The following UBTD1 variants were observed in gnomAD, a reference collection of about 807,000 sequenced individuals.
UBTD1 encodes ubiquitin domain containing 1.
A neutral mutation model predicts 21.7 loss-of-function variants in UBTD1; 19 were observed. That is an observed-to-expected ratio of 0.87 (90% CI 0.61 to 1.28). UBTD1 has a LOEUF of 1.28. UBTD1 is among the 50% of genes most tolerant of loss of function. The pLI is 0.00. For synonymous variants in UBTD1, 116 were observed against 135.1 expected (o/e 0.86, Z 0.98); for missense variants, 282 against 315.1 (o/e 0.89, Z 0.80).
At chr10:97,502,374 A>G (rs547414789) in intron 1 of UBTD1, among the ~76,000 whole-genome samples, 1 of 152,278 alleles carries the variant, frequency 6.6e-6, no homozygotes, top group African/African-American at 2.4e-5. Flanking sequence ...TTTTCCTTTG[A>G]CAAGGACATA....
At chr10:97,538,676 A>G (rs2040574181) in intron 1 of UBTD1, among the ~76,000 whole-genome samples, 1 of 152,048 alleles carries the variant, frequency 6.6e-6, no homozygotes, top group Non-Finnish European at 1.5e-5. Context: ...AGCAGTTTCT[A>G]CTTTAACAGA....
At chr10:97,557,544 A>T (rs563645384) in intron 1 of UBTD1, among the ~76,000 whole-genome samples, 1 of 152,114 alleles carries the variant, frequency 6.6e-6, no homozygotes, top group African/African-American at 2.4e-5. Flanking sequence ...TTCTTGACAG[A>T]TATACTTATT....
chr10:97,547,902 A>G (rs76418825), intron 1 of UBTD1, among the ~76,000 whole-genome samples: 2,149 of 74,464 alleles, frequency 0.029, 23 homozygotes, highest in Non-Finnish European at 0.044. Context: ...CAACTTTATG[A>G]AAAAAAAAAA....
At chr10:97,505,523 A>T (rs765005704) in intron 1 of UBTD1, among the ~76,000 whole-genome samples, 6 of 152,270 alleles carry the variant, frequency 3.9e-5, no homozygotes, top group Admixed American at 2.6e-4. Flanking sequence ...CAGAGATGTT[A>T]TGGAGATAAA....
In UBTD1 at chr10:97,570,440, C is replaced by A; in HGVS notation, c.601C>A (p.Arg201Ser). The A allele has an allele frequency of 6.2e-7, 1 of 1,613,240 alleles. No individual in the cohort carries two copies. Among genetic ancestry groups the A allele is most frequent in the Non-Finnish European group, 8.5e-7 (1 of 1,179,954 alleles). The stretch of plus-strand genomic sequence containing the variant: ...CTTCTCCGGGAAGCTGCTCACAGAC[C>A]GCACACGGCTCCAGGAGACCAAGAT... The part of the protein sequence containing the change: ...WFFSGKLLTD[R>S]TRLQETKIQK... Residue 201 changes from arginine to serine, a missense_variant, in exon 3 of 3, where the codon CGC becomes AGC. By Grantham distance (110) the Arg-to-Ser change is moderately radical. Coordinates refer to ENST00000370664, the MANE Select transcript of UBTD1 (RefSeq NM_024954.5). The surrounding 1 kb of genome is among the most constrained non-coding windows in gnomAD (Gnocchi z 6.6).
chr10:97,506,251 A>G (rs923766119), intron 1 of UBTD1, among the ~76,000 whole-genome samples: 17 of 152,168 alleles, frequency 1.1e-4, no homozygotes, highest in Admixed American at 6.5e-5. Context: ...AAGGCTCTTA[A>G]ATCCTGTTCA....
chr10:97,556,616 C>G (rs1296716457), intron 1 of UBTD1, among the ~76,000 whole-genome samples: 1 of 152,192 alleles, frequency 6.6e-6, no homozygotes, highest in African/African-American at 2.4e-5. Context: ...TTCCAATCAC[C>G]TATGGCTATG....
rs58274033 is a variant in UBTD1 at position 97,538,331 on chromosome 10, T to C, written c.71-29583T>C. Among the ~76,000 whole-genome samples the C allele has an allele frequency of 3.8e-3, 574 of 152,248 alleles. 7 individuals carry two copies. Among genetic ancestry groups the C allele is most frequent in the African/African-American group, 0.013 (541 of 41,558 alleles). On this transcript the variant is annotated intron_variant, in intron 1 of 2. Coordinates refer to ENST00000370664, the MANE Select transcript of UBTD1 (RefSeq NM_024954.5). ...ACACAGTGAGACCTCATCCCTATTT[T>C]ATTTTTAAAAAAGTAAAAATAGAAA...
rs1025877609 is a variant in UBTD1 at position 97,527,751 on chromosome 10, A to C, written c.70+28478A>C. On this transcript the variant is annotated intron_variant, in intron 1 of 2. Coordinates refer to ENST00000370664, the MANE Select transcript of UBTD1 (RefSeq NM_024954.5). ...TGAGTGGACACAGCACATGTTTCAGAGAGCACAGGGTTGGGGGTAAGGTCA... is the reference window on the plus strand; with the variant it reads ...TGAGTGGACACAGCACATGTTTCAGCGAGCACAGGGTTGGGGGTAAGGTCA... Among the ~76,000 whole-genome samples, 573 of 152,174 alleles carry C rather than the reference A, an allele frequency of 3.8e-3. 2 individuals carry two copies. The highest frequency in any genetic ancestry group is 0.013 in the African/African-American group (535 of 41,496).
chr10:97,524,603 A>G (rs1414021795), intron 1 of UBTD1, among the ~76,000 whole-genome samples: 3 of 152,184 alleles, frequency 2.0e-5, no homozygotes, highest in Non-Finnish European at 4.4e-5. Flanking sequence ...CTTTGTGGAA[A>G]GCTGCCCTGC....
chr10:97,555,702 A>C (rs1253148027), intron 1 of UBTD1, among the ~76,000 whole-genome samples: 3 of 152,186 alleles, frequency 2.0e-5, no homozygotes, highest in Admixed American at 2.0e-4. Flanking sequence ...AGAGAAACAG[A>C]ACAGGGCAGG....
At chr10:97,509,425 C>CAA (rs2040412558) in intron 1 of UBTD1, among the ~76,000 whole-genome samples, 1 of 152,210 alleles carries the variant, frequency 6.6e-6, no homozygotes, top group Non-Finnish European at 1.5e-5. Context: ...TGCCCACACA[C>CAA]AGCACGGCGC....
intron 1 of UBTD1, among the ~76,000 whole-genome samples, chr10:97,504,217 C>T (rs1477972248): frequency 2.6e-5 from 4 of 152,322 alleles, no homozygotes; most frequent in Non-Finnish European, 5.9e-5. Context: ...CCTGTGAACT[C>T]ACCTTCCTGC....
intron 2 of UBTD1, among the ~76,000 whole-genome samples, chr10:97,569,024 T>C (rs1316284596): frequency 6.6e-6 from 1 of 152,224 alleles, no homozygotes; most frequent in East Asian, 1.9e-4. Context: ...GGTTTCTCCA[T>C]GTTGGTCAGG....
At position 97,540,974 on chromosome 10, in the gene UBTD1, C is replaced by T. The variant is rs566092137; in HGVS notation, c.71-26940C>T. Among the ~76,000 whole-genome samples, 3 of 152,298 alleles carry T rather than the reference C, an allele frequency of 2.0e-5. No homozygotes were observed. The East Asian group carries it at 5.8e-4, about 29-fold the overall frequency. ...GCAGCGCTGCTTCTCTGCTTGTCAGCTGCGTGTGTGTCCACTAGGGGTTGG... is the reference window on the plus strand; with the variant it reads ...GCAGCGCTGCTTCTCTGCTTGTCAGTTGCGTGTGTGTCCACTAGGGGTTGG... On this transcript the variant is annotated intron_variant, in intron 1 of 2. Coordinates refer to ENST00000370664, the MANE Select transcript of UBTD1 (RefSeq NM_024954.5).
In UBTD1 at chr10:97,528,567, C is replaced by T. The variant is rs1235212606; in HGVS notation, c.70+29294C>T. 7.3e-5 allele frequency among the ~76,000 whole-genome samples: 6 copies of T among 82,046 alleles called. 1 individual carries two copies. The highest frequency in any genetic ancestry group is 9.5e-4 in the East Asian group (2 of 2,100). The allele number at this position is 82,046 out of a possible 152,430, so 53.8% of individuals were successfully genotyped here. A position where few individuals can be genotyped will look rare whatever the true frequency, so the allele number is the denominator to read the frequency against. ...CTCCCGGACGGGGCGGCTCGCCTGG[C>T]GGGGGGCTCACCCCCCCACCTCCCT... On this transcript the variant is annotated intron_variant, in intron 1 of 2. Transcript: ENST00000370664.
intron 1 of UBTD1, among the ~76,000 whole-genome samples, chr10:97,546,570 C>T (rs895525936): frequency 3.0e-5 from 4 of 132,214 alleles, no homozygotes; most frequent in South Asian, 2.5e-4. Context: ...CCTGGGTGAC[C>T]GAGTGTGACC....
chr10:97,499,299 C>T (rs564457339), intron 1 of UBTD1, 26 bp downstream of exon 1: 2 of 1,543,898 alleles, frequency 1.3e-6, no homozygotes, highest in South Asian at 2.4e-5. Flanking sequence ...GGAGCAGGGC[C>T]TCGGGCATCC....
chr10:97,533,557 GCCCT>G (rs2040543440), intron 1 of UBTD1, among the ~76,000 whole-genome samples: 1 of 152,146 alleles, frequency 6.6e-6, no homozygotes. Context: ...TGATCTGTCT[GCCCT>G]CCCTCTTCGC....
Sources: allele counts gnomAD v4.1 joint callset (sites outside exome capture counted in the v4.1 genomes callset), GRCh38; gene constraint gnomAD v4.1.1; non-coding constraint Gnocchi (gnomAD v3.1); transcripts MANE v1.5; gene names NCBI Gene and HGNC (gene_info 2026-07-23, HGNC 2026-07-21).